TTC6: variants seen among roughly 807,000 people sequenced by gnomAD.
TTC6 encodes tetratricopeptide repeat protein 6.
A neutral mutation model predicts 210.4 loss-of-function variants in TTC6; 172 were observed. The observed-to-expected ratio is 0.82, with a 90% confidence interval of 0.72 to 0.93. The LOEUF (loss-of-function observed/expected upper bound fraction) is 0.93, where lower values mean the gene tolerates loss of function less well. TTC6 is among the 40% of genes least tolerant of loss of function. The probability of loss-of-function intolerance (pLI) is 0.00; values close to 1 mark genes in which losing one functional copy is unlikely to be tolerated. For missense variants in TTC6, 2,414 were observed against 2,318.1 expected, an observed-to-expected ratio of 1.04 and a Z score of -0.85; for synonymous variants, 804 against 819.6, an observed-to-expected ratio of 0.98 and a Z score of 0.32.
At chr14:37,749,667 T>G (rs17768594) in intron 11 of TTC6, 47 bp from the exon 14 acceptor site, 768,423 of 1,244,492 alleles carry the variant, frequency 0.62, 240,847 homozygotes, top group East Asian at 0.89. Context: ...TAGGATATCC[T>G]CCTTTAACAA....
intron 14 of TTC6, among the ~76,000 whole-genome samples, chr14:37,769,717 T>C (rs1337808588): frequency 1.3e-5 from 2 of 149,962 alleles, no homozygotes; most frequent in Admixed American, 6.6e-5. Context: ...GTCTTGCTAG[T>C]AGTCTATCAA....
At chr14:37,669,227 C>A (rs1014569573) in intron 1 of TTC6, among the ~76,000 whole-genome samples, 2 of 152,104 alleles carry the variant, frequency 1.3e-5, no homozygotes, top group Non-Finnish European at 2.9e-5. Flanking sequence ...TGTTAGAGAA[C>A]CAAATAAGCA....
At chr14:37,775,695 C>A (rs2096035090) in intron 14 of TTC6, among the ~76,000 whole-genome samples, 1 of 152,134 alleles carries the variant, frequency 6.6e-6, no homozygotes, top group Non-Finnish European at 1.5e-5. Context: ...GCCTCAATGA[C>A]TTGTTAATAC....
At chr14:37,701,376 C>T (rs2095825007) in exon 5 of TTC6, 7 of 1,522,488 alleles carry the variant, frequency 4.6e-6, no homozygotes, top group South Asian at 1.2e-5. Flanking sequence ...GATCTGTGCA[C>T]CACCATCCCA....
intron 6 of TTC6, among the ~76,000 whole-genome samples, chr14:37,721,847 C>T (rs1406939892): frequency 9.4e-5 from 11 of 117,264 alleles, no homozygotes; most frequent in Admixed American, 1.7e-4. Flanking sequence ...TGAGTTTCAC[C>T]ATATATATAT....
At chr14:37,613,295 A>T (rs1349171264) in intron 2 of TTC6, among the ~76,000 whole-genome samples, 3 of 152,114 alleles carry the variant, frequency 2.0e-5, no homozygotes, top group Non-Finnish European at 4.4e-5. Flanking sequence ...AATATAATAA[A>T]ATCAGATACT....
intron 15 of TTC6, among the ~76,000 whole-genome samples, chr14:37,790,191 T>G (rs751677829): frequency 1.3e-5 from 2 of 152,104 alleles, no homozygotes; most frequent in Non-Finnish European, 2.9e-5. Context: ...AAGCTCTGTT[T>G]GCCTTGGTGT....
chr14:37,775,421 A>G (rs1217319384), intron 14 of TTC6, among the ~76,000 whole-genome samples: 3 of 152,126 alleles, frequency 2.0e-5, no homozygotes, highest in Non-Finnish European at 2.9e-5. Flanking sequence ...ATTCTGGTAT[A>G]TTGTATCTCT....
chr14:37,717,925 T>C (rs2095855316), intron 6 of TTC6, among the ~76,000 whole-genome samples: 2 of 152,184 alleles, frequency 1.3e-5, no homozygotes, highest in African/African-American at 4.8e-5. Flanking sequence ...AAGAATGCTA[T>C]TAGAAATGGG....
intron 1 of TTC6, among the ~76,000 whole-genome samples, chr14:37,651,405 ATATATATATATATATATATATT>A (rs2095711263): frequency 3.1e-4 from 5 of 16,096 alleles, no homozygotes; most frequent in African/African-American, 1.1e-3. Flanking sequence ...ATATATATAT[ATATATATATATATATATATATT>A]TTTTTTTTTT....
intron 5 of TTC6, among the ~76,000 whole-genome samples, chr14:37,707,810 T>G (rs1401909060): frequency 6.6e-6 from 1 of 152,116 alleles, no homozygotes; most frequent in African/African-American, 2.4e-5. Context: ...TACCCAAAGT[T>G]AATATTGGAT....
exon 11 of TTC6, chr14:37,749,219 T>A (rs1472237370): frequency 6.5e-7 from 1 of 1,530,754 alleles, no homozygotes; most frequent in Non-Finnish European, 8.7e-7. Flanking sequence ...AAAACTAAAA[T>A]TAAATGATTA....
chr14:37,628,072 G>A (rs1313933113), intron 1 of TTC6, among the ~76,000 whole-genome samples: 1 of 152,200 alleles, frequency 6.6e-6, no homozygotes, highest in Admixed American at 6.5e-5. Context: ...CCAGGTTTAA[G>A]CAATTCTCTT....
chr14:37,622,842 C>T, exon 1 of TTC6: 5 of 1,534,140 alleles, frequency 3.3e-6, no homozygotes, highest in East Asian at 2.5e-5. Flanking sequence ...CAGCGACGCG[C>T]GGGAGGCCGC....
chr14:37,780,040 G>A (rs571493446), intron 14 of TTC6, among the ~76,000 whole-genome samples: 37 of 152,264 alleles, frequency 2.4e-4, no homozygotes, highest in Middle Eastern at 3.4e-3. Context: ...ATGCAAAAGC[G>A]AGTCTGTTTG....
In TTC6 at chr14:37,818,466, C is replaced by T. The variant is rs75446192; in HGVS notation, c.4763+815C>T. ...AAATAATAGTTTATAGCTTTTTTTC[C>T]CCTAAGAAACAAATAATACCAGTTA... On this transcript the variant is annotated intron_variant, in intron 26 of 30. Transcript: ENST00000553443. Among the ~76,000 whole-genome samples the T allele has an allele frequency of 4.7e-3, 719 of 151,840 alleles. 5 individuals carry two copies. Among genetic ancestry groups the T allele is most frequent in the African/African-American group, 0.017 (691 of 41,422 alleles).
In TTC6 at chr14:37,598,961, T is replaced by C. The variant is rs995929251; in HGVS notation, c.-235+2953T>C. On this transcript the variant is annotated intron_variant, in intron 1 of 2. Transcript: ENST00000556845. The surrounding 1 kb of genome is among the most constrained non-coding windows in gnomAD (Gnocchi z 4.9). ...CCCCCACCCAGATAAGAAGCTTAAG[T>C]CCTCCTTCTGCAGGGGAGAATCGGA... 4.9e-5 allele frequency among the ~76,000 whole-genome samples: 6 copies of C among 122,522 alleles called. No homozygotes were observed. Among genetic ancestry groups the C allele is most frequent in the Admixed American group, 1.0e-4 (1 of 9,838 alleles). 80.4% of individuals were successfully genotyped at this position (122,522 alleles called of 152,430 possible).
rs61977139 is a variant in TTC6 at position 37,776,457 on chromosome 14, T to C, written c.3267-11011T>C. Among the ~76,000 whole-genome samples the C allele has an allele frequency of 3.0e-3, 458 of 152,288 alleles. 1 individual carries two copies. Among genetic ancestry groups the C allele is most frequent in the Non-Finnish European group, 5.7e-3 (389 of 68,016 alleles). On this transcript the variant is annotated intron_variant, in intron 14 of 30. Transcript: ENST00000553443. ...GTTTTTGTAGTGGCTTGTAATGGTC[T>C]TTCCTTTCCATATTTAGCATTCCCT...
intron 14 of TTC6, among the ~76,000 whole-genome samples, chr14:37,754,333 C>T (rs1025418983): frequency 7.2e-5 from 11 of 152,052 alleles, no homozygotes; most frequent in African/African-American, 1.9e-4. Flanking sequence ...TGAGAACATC[C>T]GGTGTTTGGT....
Sources: gnomAD v4.1 joint callset for allele counts (sites outside exome capture counted in the v4.1 genomes callset) on GRCh38, gnomAD v4.1.1 for gene constraint, Gnocchi (gnomAD v3.1) non-coding constraint, MANE v1.5 for transcripts, NCBI Gene and HGNC (gene_info 2026-07-23, HGNC 2026-07-21) for gene names.